SRP9: variants seen among roughly 807,000 people sequenced by gnomAD.
SRP9 encodes the protein signal recognition particle 9 kDa protein.
In SRP9, 2 loss-of-function variants were observed where a neutral mutation model predicts 11.7. That is an observed-to-expected ratio of 0.17 (90% CI 0.07 to 0.54). The LOEUF is 0.54. Ranked by LOEUF, SRP9 falls within the 20% of genes least tolerant of loss-of-function variation. SRP9 has a pLI of 0.94. For synonymous variants in SRP9, 27 were observed against 35.6 expected (o/e 0.76, Z 0.86); for missense variants, 54 against 108.1 (o/e 0.50, Z 2.22).
intron 2 of SRP9, among the ~76,000 whole-genome samples, chr1:225,786,639 G>A (rs928292973): frequency 9.2e-5 from 14 of 152,196 alleles, no homozygotes; most frequent in Non-Finnish European, 5.9e-5. Flanking sequence ...ATAGATTGAA[G>A]AGATGTGAAT....
rs184959512 is a variant in SRP9 at position 225,782,083 on chromosome 1, C to T, written c.73-1217C>T. On this transcript the variant is annotated intron_variant, in intron 1 of 2. Coordinates refer to ENST00000304786, the MANE Select transcript of SRP9 (RefSeq NM_003133.6). ...AGTTTCCAGAATTGTCTTGAGGCCT[C>T]TGGTGCTAGATTGTAACCATTTTAA... Among the ~76,000 whole-genome samples, 4 of 152,154 alleles carry T rather than the reference C, an allele frequency of 2.6e-5. No homozygotes were observed. The East Asian group carries it at 7.7e-4, about 29-fold the overall frequency.
At chr1:225,781,396 T>C (rs1413861108) in intron 1 of SRP9, among the ~76,000 whole-genome samples, 3 of 42,536 alleles carry the variant, frequency 7.1e-5, no homozygotes, top group Non-Finnish European at 1.2e-4. Flanking sequence ...TTTCTTTTTC[T>C]TTTTTTTTTT....
intron 1 of SRP9, among the ~76,000 whole-genome samples, chr1:225,778,582 T>C (rs1188770983): frequency 6.6e-6 from 1 of 152,234 alleles, no homozygotes; most frequent in Non-Finnish European, 1.5e-5. Context: ...AGTAAATGTT[T>C]GCAAACAATT....
intron 1 of SRP9, 95 bp downstream of exon 1, chr1:225,778,107 G>A: frequency 1.4e-6 from 2 of 1,381,892 alleles, no homozygotes; most frequent in Non-Finnish European, 2.0e-6. Flanking sequence ...GCTCCCAGGA[G>A]GTGCTGGGAA....
intron 2 of SRP9, 121 bp downstream of exon 2, chr1:225,783,489 T>G: frequency 1.3e-6 from 1 of 788,748 alleles, no homozygotes; most frequent in Non-Finnish European, 2.0e-6. Context: ...TGCATTTCAT[T>G]TAAAGATGAA....
intron 2 of SRP9, among the ~76,000 whole-genome samples, 177 bp downstream of exon 2, chr1:225,783,545 TTAACCTGCTTTC>T (rs1290028493): frequency 6.6e-6 from 1 of 152,242 alleles, no homozygotes; most frequent in African/African-American, 2.4e-5. Context: ...AGGAAATTAT[TTAACCTGCTTTC>T]TTAATGCATT....
chr1:225,787,638 A>G (rs1181887530), intron 2 of SRP9, among the ~76,000 whole-genome samples: 1 of 152,218 alleles, frequency 6.6e-6, no homozygotes, highest in Admixed American at 6.5e-5. Context: ...AATATAATTA[A>G]GGATCCATGT....
chr1:225,783,225 C>A, intron 1 of SRP9, 75 bp from the exon 2 acceptor site: 1 of 1,168,062 alleles, frequency 8.6e-7, no homozygotes, highest in Non-Finnish European at 1.3e-6. Flanking sequence ...TCCTTTTCAG[C>A]CTACCTGAAG....
At chr1:225,784,952 T>A (rs1183337810) in intron 2 of SRP9, among the ~76,000 whole-genome samples, 1 of 151,814 alleles carries the variant, frequency 6.6e-6, no homozygotes, top group Non-Finnish European at 1.5e-5. Flanking sequence ...ATTAAAAAAA[T>A]TTTTTTAGAG....
intron 2 of SRP9, among the ~76,000 whole-genome samples, chr1:225,786,597 G>A (rs1373709661): frequency 6.6e-6 from 1 of 152,174 alleles, no homozygotes; most frequent in Admixed American, 6.5e-5. Context: ...ATGTGGAAAA[G>A]GAAGAGTGAA....
rs1666004929 is a variant in SRP9 at position 225,790,362 on chromosome 1, A to G, written c.*1003A>G. ...CACTACATTGAAATATGTTTTGTATAAATTTGTCATGTTGAACAGCATTTT... is the reference window on the plus strand; with the variant it reads ...CACTACATTGAAATATGTTTTGTATGAATTTGTCATGTTGAACAGCATTTT... On this transcript the variant is annotated 3_prime_UTR_variant, in exon 3 of 3. Coordinates refer to ENST00000304786, the MANE Select transcript of SRP9 (RefSeq NM_003133.6). The G allele has an allele frequency of 6.6e-6, 1 of 152,246 alleles. No individual in the cohort carries two copies. The highest frequency in any genetic ancestry group is 1.5e-5 in the Non-Finnish European group (1 of 68,048). The allele number at this position is 152,246 out of a possible 1,614,324, so 9.4% of individuals were successfully genotyped here.
At chr1:225,781,657 A>C (rs1665803829) in intron 1 of SRP9, among the ~76,000 whole-genome samples, 1 of 152,010 alleles carries the variant, frequency 6.6e-6, no homozygotes, top group African/African-American at 2.4e-5. Context: ...TGCCCTCCCA[A>C]AGTGCTGGGA....
chr1:225,779,370 T>C (rs1429887153), intron 1 of SRP9, among the ~76,000 whole-genome samples: 6 of 152,124 alleles, frequency 3.9e-5, no homozygotes, highest in African/African-American at 1.4e-4. Flanking sequence ...GGTCTGGAAC[T>C]CCTGACCTCG....
intron 2 of SRP9, chr1:225,787,050 C>T (rs554372429): frequency 1.6e-4 from 49 of 302,662 alleles, no homozygotes; most frequent in Middle Eastern, 9.9e-4. Context: ...CATTATATTG[C>T]CCAGGTTGAT....
intron 2 of SRP9, among the ~76,000 whole-genome samples, chr1:225,787,776 T>C (rs2102652308): frequency 6.6e-6 from 1 of 152,304 alleles, no homozygotes; most frequent in South Asian, 2.1e-4. Context: ...GTATGTACAT[T>C]CTCTCATAGG....
intron 1 of SRP9, among the ~76,000 whole-genome samples, chr1:225,781,409 T>A: frequency 6.9e-6 from 1 of 145,672 alleles, no homozygotes; most frequent in Non-Finnish European, 1.5e-5. Flanking sequence ...TTTTTTTTTT[T>A]TTTTTTTGAG....
chr1:225,783,379 A>AT lies in SRP9; in HGVS notation c.141+16dup. 1 of 1,587,480 alleles carries AT rather than the reference A, an allele frequency of 6.3e-7. No individual in the cohort carries two copies. The highest frequency in any genetic ancestry group is 8.6e-7 in the Non-Finnish European group (1 of 1,157,832). On this transcript the variant is annotated intron_variant, in intron 2 of 2. Coordinates refer to ENST00000304786, the MANE Select transcript of SRP9 (RefSeq NM_003133.6). ...ACAGATGATTTAGTTGTAAGTATACATTTTTATTTGTTACATACTTTCAGA... is the reference window on the plus strand; with the variant it reads ...ACAGATGATTTAGTTGTAAGTATACATTTTTTATTTGTTACATACTTTCAGA...
At chr1:225,783,260 A>G (rs751092501) in intron 1 of SRP9, 40 bp from the exon 2 acceptor site, 1 of 1,488,980 alleles carries the variant, frequency 6.7e-7, no homozygotes, top group Non-Finnish European at 9.3e-7. Flanking sequence ...AAGAAATGTC[A>G]TTTGTCTTCA....
At chr1:225,782,365 C>T (rs887508105) in intron 1 of SRP9, among the ~76,000 whole-genome samples, 4 of 151,976 alleles carry the variant, frequency 2.6e-5, no homozygotes, top group Admixed American at 1.3e-4. Context: ...GGGGTTTCAC[C>T]GTGTTAGCCA....
Sources: gnomAD v4.1 joint callset for allele counts (sites outside exome capture counted in the v4.1 genomes callset) on GRCh38, gnomAD v4.1.1 for gene constraint, MANE v1.5 for transcripts, NCBI Gene and HGNC (gene_info 2026-07-23, HGNC 2026-07-21) for gene names.